The following ARG2 variants were observed in gnomAD, a reference collection of about 807,000 sequenced individuals.
ARG2 encodes arginase 2.
In ARG2, 21 loss-of-function variants were observed where a neutral mutation model predicts 39.4. That is an observed-to-expected ratio of 0.53 (90% CI 0.38 to 0.77). The LOEUF is 0.77. ARG2 is among the 30% of genes least tolerant of loss of function. The pLI, the probability that ARG2 is intolerant of heterozygous loss-of-function variation, is 0.00. For synonymous variants in ARG2, 150 were observed against 156.7 expected (o/e 0.96, Z 0.32); for missense variants, 378 against 426.2 (o/e 0.89, Z 1.00).
chr14:67,645,582 G>A (rs1939322281), intron 3 of ARG2, 61 bp from the exon 4 acceptor site: 3 of 1,562,508 alleles, frequency 1.9e-6, no homozygotes, highest in Non-Finnish European at 2.6e-6. Flanking sequence ...GGCTGAGGAC[G>A]TTTGTTATCG....
At chr14:67,645,332 T>C (rs1196416404) in intron 3 of ARG2, among the ~76,000 whole-genome samples, 1 of 152,196 alleles carries the variant, frequency 6.6e-6, no homozygotes, top group Non-Finnish European at 1.5e-5. Context: ...TTTCATTCAT[T>C]GAACAAATAT....
Position 67,650,871 on chromosome 14 carries a change from C to T in ARG2, c.1016C>T (p.Thr339Ile). Residue 339 changes from threonine to isoleucine, a missense_variant, in exon 8 of 8, where the codon ACT becomes ATT. Transcript: ENST00000261783. ...GGHIVYDQLPTPSSPDESENQ... is the reference protein window; with the variant it reads ...GGHIVYDQLPIPSSPDESENQ... ...CATATTGTCTATGACCAACTTCCTA[C>T]TCCCAGTTCACCAGATGAATCAGAA... The T allele has an allele frequency of 1.2e-6, 2 of 1,614,198 alleles. No homozygotes were observed. The highest frequency in any genetic ancestry group is 1.7e-6 in the Non-Finnish European group (2 of 1,180,008).
chr14:67,625,085 T>C (rs756184301), intron 2 of ARG2, among the ~76,000 whole-genome samples: 2 of 152,118 alleles, frequency 1.3e-5, no homozygotes, highest in Non-Finnish European at 2.9e-5. Context: ...GCTGTCTTTA[T>C]TTGACCAACA....
chr14:67,626,271 A>C (rs1423075391), intron 2 of ARG2, among the ~76,000 whole-genome samples: 2 of 152,090 alleles, frequency 1.3e-5, no homozygotes, highest in East Asian at 3.9e-4. Flanking sequence ...AAAAAAAACC[A>C]CAAAACTACA....
At chr14:67,624,986 G>A (rs1439564989) in intron 2 of ARG2, among the ~76,000 whole-genome samples, 1 of 152,150 alleles carries the variant, frequency 6.6e-6, no homozygotes, top group Non-Finnish European at 1.5e-5. Context: ...CTGCAAAAGG[G>A]AGAACAGAGG....
At chr14:67,647,089 T>C (rs928268505) in intron 6 of ARG2, 64 bp downstream of exon 6, 5 of 1,048,086 alleles carry the variant, frequency 4.8e-6, no homozygotes, top group Non-Finnish European at 7.3e-6. Flanking sequence ...AGCCTGTTTC[T>C]TGAGGACAGC....
At chr14:67,647,881 T>C in intron 6 of ARG2, 166 bp from the exon 7 acceptor site, 3 of 687,182 alleles carry the variant, frequency 4.4e-6, no homozygotes, top group Non-Finnish European at 4.8e-6. Context: ...CCAATCTCAG[T>C]AACTTCCAAG....
chr14:67,634,410 T>C (rs1293469772), intron 2 of ARG2, among the ~76,000 whole-genome samples: 2 of 143,546 alleles, frequency 1.4e-5, no homozygotes, highest in African/African-American at 5.2e-5. Flanking sequence ...CTGGGTAGCA[T>C]GGCAAAACTC....
At position 67,646,634 on chromosome 14, in the gene ARG2, C is replaced by T. The variant is rs1160528076; in HGVS notation, c.523-10C>T. ...TCTTGATTAATCCTGTCCATTTCTC[C>T]CTTTCATAGGTACCACAACTCCCAG... On this transcript the variant is annotated splice_polypyrimidine_tract_variant and intron_variant, in intron 4 of 7. Transcript: ENST00000261783. 4.4e-6 allele frequency: 7 copies of T among 1,585,624 alleles called. No individual in the cohort carries two copies. The Admixed American group carries it at 1.0e-4, about 23-fold the overall frequency.
In ARG2 at chr14:67,651,467, T is replaced by C; in HGVS notation, c.*547T>C. The C allele has an allele frequency of 1.2e-6, 2 of 1,613,848 alleles. No homozygotes were observed. The highest frequency in any genetic ancestry group is 1.7e-6 in the Non-Finnish European group (2 of 1,179,764). On this transcript the variant is annotated 3_prime_UTR_variant, in exon 8 of 8. Coordinates refer to ENST00000261783, the MANE Select transcript of ARG2 (RefSeq NM_001172.4). ...TAAGATGATAATGGAAAGCAGCAGC[T>C]TGTTGGTTGTCACTCTACAAAGAGA... is the stretch of plus-strand genomic sequence containing the variant.
intron 2 of ARG2, among the ~76,000 whole-genome samples, chr14:67,629,288 A>C (rs889045417): frequency 5.9e-5 from 9 of 152,188 alleles, no homozygotes; most frequent in African/African-American, 1.9e-4. Flanking sequence ...GTGAGCTATG[A>C]TCATACCACT....
Position 67,651,346 on chromosome 14 carries a change from G to A in ARG2, c.*426G>A, listed in dbSNP as rs759327698. 6.2e-7 allele frequency: 1 copy of A among 1,612,360 alleles called. No individual in the cohort carries two copies. The highest frequency in any genetic ancestry group is 1.1e-5 in the South Asian group (1 of 90,916). ...CATCCCTAACATCATGCATTCACAA[G>A]GTCAAAGTTCTGGTCCACAAACCCT... On this transcript the variant is annotated 3_prime_UTR_variant, in exon 8 of 8. Coordinates refer to ENST00000261783, the MANE Select transcript of ARG2 (RefSeq NM_001172.4).
intron 2 of ARG2, among the ~76,000 whole-genome samples, chr14:67,636,594 T>C (rs1227044420): frequency 6.6e-6 from 1 of 152,254 alleles, no homozygotes; most frequent in Non-Finnish European, 1.5e-5. Context: ...TGTTTTGATT[T>C]CTTCCTTACA....
Position 67,645,702 on chromosome 14 carries a change from GGGT to G in ARG2, c.423_425del (p.Trp141_Val142delinsCys). On this transcript the variant is annotated inframe_deletion, in exon 4 of 8. Transcript: ENST00000261783. ...CACTGCCCAGACCTTTGTGTTGTCT[GGGT>G]TGATGCCCATGCTGACATCAACACA... The G allele has an allele frequency of 6.2e-7, 1 of 1,613,942 alleles. No homozygotes were observed. Among genetic ancestry groups the G allele is most frequent in the Non-Finnish European group, 8.5e-7 (1 of 1,179,944 alleles).
At chr14:67,638,969 A>C (rs1371629437) in intron 2 of ARG2, among the ~76,000 whole-genome samples, 1 of 152,200 alleles carries the variant, frequency 6.6e-6, no homozygotes, top group Non-Finnish European at 1.5e-5. Context: ...CATCGGAGTA[A>C]ATGGAGTTGG....
intron 2 of ARG2, among the ~76,000 whole-genome samples, chr14:67,641,898 A>G (rs985595635): frequency 1.5e-4 from 23 of 152,124 alleles, no homozygotes. Context: ...TCTTTTTGAT[A>G]TTTTATTTCT....
chr14:67,636,026 T>A (rs528863686), intron 2 of ARG2, among the ~76,000 whole-genome samples: 1 of 152,244 alleles, frequency 6.6e-6, no homozygotes, highest in Non-Finnish European at 1.5e-5. Context: ...TTGTTATTCC[T>A]GACAAGTCAC....
chr14:67,648,086 A>G lies in ARG2; in HGVS notation c.762A>G (p.Ala254=). ...RPIHLSFDID[A]FDPTLAPATG... is the part of the protein sequence containing the mutation. ...TCCATTTGAGTTTTGATATTGATGC[A>G]TTTGACCCTACACTGGCTCCAGCCA... The change falls in exon 7 of 8, where the codon GCA becomes GCG. Residue 254 remains alanine, a synonymous_variant. Transcript: ENST00000261783. The G allele has an allele frequency of 6.2e-7, 1 of 1,613,834 alleles. No individual in the cohort carries two copies. The highest frequency in any genetic ancestry group is 8.5e-7 in the Non-Finnish European group (1 of 1,179,820).
chr14:67,627,967 A>G (rs984753775), intron 2 of ARG2, among the ~76,000 whole-genome samples: 11 of 152,206 alleles, frequency 7.2e-5, no homozygotes, highest in African/African-American at 2.7e-4. Context: ...TATTTGGAAG[A>G]GTAAATGTCT....
Sources: gnomAD v4.1 joint callset for allele counts (sites outside exome capture counted in the v4.1 genomes callset) on GRCh38, gnomAD v4.1.1 for gene constraint, MANE v1.5 for transcripts, NCBI Gene and HGNC (gene_info 2026-07-23, HGNC 2026-07-21) for gene names.